Variants in PARD3B observed in about 807,000 individuals in gnomAD.
The protein encoded by PARD3B is partitioning defective 3 homolog B.
A neutral mutation model predicts 130.2 loss-of-function variants in PARD3B; 103 were observed. That is an observed-to-expected ratio of 0.79 (90% CI 0.67 to 0.93). The LOEUF (loss-of-function observed/expected upper bound fraction) is 0.93. Among genes scored for constraint, PARD3B ranks in the 40% least tolerant of loss-of-function variants. The pLI is 0.00. For missense variants in PARD3B, 1,609 were observed against 1,499.2 expected (o/e 1.07, Z -1.21); for synonymous variants, 583 against 553.2 (o/e 1.05, Z -0.76).
intron 21 of PARD3B, among the ~76,000 whole-genome samples, chr2:205,503,670 C>T (rs2050242601): frequency 6.6e-6 from 1 of 151,946 alleles, no homozygotes; most frequent in Non-Finnish European, 1.5e-5. Context: ...TTTTTTGGTT[C>T]CATATGAACT....
intron 2 of PARD3B, among the ~76,000 whole-genome samples, chr2:204,742,950 G>A (rs906535569): frequency 4.6e-5 from 7 of 152,028 alleles, no homozygotes; most frequent in African/African-American, 1.7e-4. Context: ...CATTTACAAA[G>A]CTTTTTCTCA....
At chr2:204,609,756 C>A (rs912182176) in intron 1 of PARD3B, among the ~76,000 whole-genome samples, 2 of 151,882 alleles carry the variant, frequency 1.3e-5, no homozygotes, top group South Asian at 2.1e-4. Context: ...TCTTTTTGAA[C>A]CTTAAAGGTG....
chr2:205,078,343 C>T lies in PARD3B; in HGVS notation c.505-26083C>T, dbSNP rs1231948482. Among the ~76,000 whole-genome samples, 1 of 152,120 alleles carries T rather than the reference C, an allele frequency of 6.6e-6. No homozygotes were observed. The highest frequency in any genetic ancestry group is 2.4e-5 in the African/African-American group (1 of 41,442). ...ACTCAATGGCTATCGCAGCATCATTCTTCATAATTTTTATTAATTGTATGG... is the reference window on the plus strand; with the variant it reads ...ACTCAATGGCTATCGCAGCATCATTTTTCATAATTTTTATTAATTGTATGG... On this transcript the variant is annotated intron_variant, in intron 4 of 22. Transcript: ENST00000406610. This position sits in a 1 kb window ranked among gnomAD's most constrained non-coding sequence, Gnocchi z 4.0.
chr2:204,811,626 C>A (rs1234423276), intron 2 of PARD3B, among the ~76,000 whole-genome samples: 1 of 152,144 alleles, frequency 6.6e-6, no homozygotes. Flanking sequence ...GGGACAACAT[C>A]AGATTCTGGA....
In PARD3B at chr2:204,988,157, A is replaced by G. The variant is rs1417168536; in HGVS notation, c.394+22834A>G. ...GATGAAGTTATGGTCAAGCCAGAGA[A>G]GACATTGGATTAGCACTGCATGCAT... On this transcript the variant is annotated intron_variant, in intron 3 of 22. Coordinates refer to ENST00000406610, the MANE Select transcript of PARD3B (RefSeq NM_001302769.2). Among the ~76,000 whole-genome samples, 205 of 152,296 alleles carry G rather than the reference A, an allele frequency of 1.3e-3. 2 individuals carry two copies. Among genetic ancestry groups the G allele is most frequent in the Non-Finnish European group, 2.6e-4 (18 of 68,026 alleles).
At chr2:205,609,211 G>A (rs1291808044) in intron 22 of PARD3B, among the ~76,000 whole-genome samples, 2 of 152,204 alleles carry the variant, frequency 1.3e-5, no homozygotes, top group Non-Finnish European at 2.9e-5. Context: ...CTGGAAACCT[G>A]ACACTAAAGG....
chr2:205,138,765 T>C (rs1007905110), intron 10 of PARD3B, among the ~76,000 whole-genome samples: 2 of 152,234 alleles, frequency 1.3e-5, no homozygotes, highest in Non-Finnish European at 2.9e-5. Flanking sequence ...AGTGTTTGTT[T>C]GTTCCATACT....
At position 204,545,837 on chromosome 2, in the gene PARD3B, T is replaced by G; in HGVS notation, c.-163T>G. On this transcript the variant is annotated 5_prime_UTR_variant, in exon 1 of 23. Transcript: ENST00000406610. ...TCCCGCCACCTGCCGCCTGGCCAGG[T>G]GGAAGGGGCGCTGCCGCGAGCCTCC... 1.4e-6 allele frequency: 1 copy of G among 708,514 alleles called. No homozygotes were observed. The highest frequency in any genetic ancestry group is 2.1e-6 in the Non-Finnish European group (1 of 482,792). 43.9% of individuals were successfully genotyped at this position (708,514 alleles called of 1,614,324 possible).
chr2:205,075,825 A>G (rs1701022487), intron 4 of PARD3B, among the ~76,000 whole-genome samples: 2 of 152,032 alleles, frequency 1.3e-5, no homozygotes, highest in Admixed American at 1.3e-4. Flanking sequence ...TTTGTATTGT[A>G]CCATTCAAAG....
Position 205,183,543 on chromosome 2 carries a change from G to A in PARD3B, c.1925-2221G>A, listed in dbSNP as rs1371674282. Among the ~76,000 whole-genome samples, 2 of 152,152 alleles carry A rather than the reference G, an allele frequency of 1.3e-5. No homozygotes were observed. The highest frequency in any genetic ancestry group is 2.9e-5 in the Non-Finnish European group (2 of 68,024). The stretch of plus-strand genomic sequence containing the variant: ...GTTGGAGGTGGTGCAGGGGCACAGT[G>A]CAGGCGCTGCCTTTGTGCTTCTTTC... On this transcript the variant is annotated intron_variant, in intron 13 of 22. Coordinates refer to ENST00000406610, the MANE Select transcript of PARD3B (RefSeq NM_001302769.2). The surrounding 1 kb of genome is among the most constrained non-coding windows in gnomAD (Gnocchi z 5.2).
At chr2:205,505,045 GA>G (rs2050300620) in intron 21 of PARD3B, among the ~76,000 whole-genome samples, 1 of 152,198 alleles carries the variant, frequency 6.6e-6, no homozygotes, top group Non-Finnish European at 1.5e-5. Context: ...ATACACCATG[GA>G]AAACTATGCA....
chr2:205,252,861 A>C (rs1486579786), intron 16 of PARD3B, among the ~76,000 whole-genome samples: 6 of 145,002 alleles, frequency 4.1e-5, no homozygotes. Flanking sequence ...ACCAAAAAAA[A>C]AAAAAAAGGA....
intron 16 of PARD3B, among the ~76,000 whole-genome samples, chr2:205,282,459 A>G (rs2041224916): frequency 6.8e-6 from 1 of 147,518 alleles, no homozygotes; most frequent in Non-Finnish European, 1.5e-5. Flanking sequence ...AGTGGCTTAA[A>G]TTAATATATA....
chr2:205,007,240 G>A (rs1695340913), intron 3 of PARD3B, among the ~76,000 whole-genome samples: 1 of 152,076 alleles, frequency 6.6e-6, no homozygotes. Flanking sequence ...GTTTTCTGGG[G>A]CCTCACCAGC....
chr2:205,125,788 A>C lies in PARD3B; in HGVS notation c.1434+51A>C. On this transcript the variant is annotated intron_variant, in intron 10 of 22. Coordinates refer to ENST00000406610, the MANE Select transcript of PARD3B (RefSeq NM_001302769.2). This position sits in a 1 kb window ranked among gnomAD's most constrained non-coding sequence, Gnocchi z 4.0. ...GAATTTTTAATGCCGAGCTTAATAC[A>C]CTCAATGAACTCATTATAGCTGAGA... The C allele has an allele frequency of 6.3e-7, 1 of 1,593,970 alleles. No homozygotes were observed.
intron 2 of PARD3B, among the ~76,000 whole-genome samples, chr2:204,797,824 C>G (rs2042428886): frequency 6.6e-6 from 1 of 152,150 alleles, no homozygotes; most frequent in African/African-American, 2.4e-5. Context: ...GAGAAATTCT[C>G]TCTATAATTT....
intron 4 of PARD3B, among the ~76,000 whole-genome samples, chr2:205,050,095 G>A (rs1252234094): frequency 6.6e-6 from 1 of 151,628 alleles, no homozygotes; most frequent in African/African-American, 2.4e-5. Context: ...ATATGTTTTG[G>A]ACTTAGGAAT....
rs1033818259 is a variant in PARD3B, at chr2:205,397,306, G to T, written c.2631-3707G>T. 6.6e-6 allele frequency among the ~76,000 whole-genome samples: 1 copy of T among 152,148 alleles called. No homozygotes were observed. The highest frequency in any genetic ancestry group is 1.5e-5 in the Non-Finnish European group (1 of 68,044). On this transcript the variant is annotated intron_variant, in intron 18 of 22. Transcript: ENST00000406610. The surrounding 1 kb of genome is among the most constrained non-coding windows in gnomAD (Gnocchi z 4.8). ...GCCCTTCTTATTGGAAACTTGAATC[G>T]AGGATCATGAACTTTAAATCAAAGC...
rs2037266289 is a variant in PARD3B, at chr2:204,689,706, CT to C, written c.222+3425del. On this transcript the variant is annotated intron_variant, in intron 2 of 22. Transcript: ENST00000406610. This position sits in a 1 kb window ranked among gnomAD's most constrained non-coding sequence, Gnocchi z 5.2. Reference sequence around the variant, plus strand: ...CTGAAGACAAGAGCTAGTGTTATCCCTATTTTTAATTTCCAGAATAATCACA... The same window carrying C: ...CTGAAGACAAGAGCTAGTGTTATCCCATTTTTAATTTCCAGAATAATCACA... 6.6e-6 allele frequency among the ~76,000 whole-genome samples: 1 copy of C among 152,090 alleles called. No homozygotes were observed. The highest frequency in any genetic ancestry group is 6.6e-5 in the Admixed American group (1 of 15,252).
Sources: allele counts gnomAD v4.1 joint callset (sites outside exome capture counted in the v4.1 genomes callset), GRCh38; gene constraint gnomAD v4.1.1; non-coding constraint Gnocchi (gnomAD v3.1); transcripts MANE v1.5; gene names NCBI Gene and HGNC (gene_info 2026-07-23, HGNC 2026-07-21).